Variants in COX11 observed in about 807,000 individuals in gnomAD.
The protein encoded by COX11 is cytochrome c oxidase assembly protein COX11, mitochondrial.
A neutral mutation model predicts 29.4 loss-of-function variants in COX11; 18 were observed. The observed-to-expected ratio is 0.61, with a 90% confidence interval of 0.42 to 0.91. The LOEUF is 0.91. Ranked by LOEUF, COX11 falls within the 40% of genes least tolerant of loss-of-function variation. COX11 has a pLI of 0.00. For synonymous variants in COX11, 131 were observed against 124.0 expected (o/e 1.06, Z -0.38); for missense variants, 312 against 346.0 (o/e 0.90, Z 0.78).
chr17:54,964,102 T>G (rs2077178949), intron 2 of COX11, among the ~76,000 whole-genome samples: 1 of 152,160 alleles, frequency 6.6e-6, no homozygotes, highest in Non-Finnish European at 1.5e-5. Flanking sequence ...CAATATGGGT[T>G]GAAATTAACT....
At chr17:54,963,173 G>C in intron 3 of COX11, 133 bp downstream of exon 3, 1 of 1,014,540 alleles carries the variant, frequency 9.9e-7, no homozygotes, top group Non-Finnish European at 1.4e-6. Flanking sequence ...GGTATAGATA[G>C]TGAAGAAAAA....
chr17:54,953,491 C>A (rs1377124368), exon 1 of COX11: 1 of 152,334 alleles, frequency 6.6e-6, no homozygotes, highest in Non-Finnish European at 1.5e-5. Context: ...CCATCAGTTT[C>A]TTGTCCAGTT....
intron 3 of COX11, 62 bp from the exon 4 acceptor site, chr17:54,962,977 A>T (rs369696146): frequency 4.3e-6 from 6 of 1,408,728 alleles, no homozygotes; most frequent in Non-Finnish European, 5.9e-6. Context: ...CAGAAACTAT[A>T]CAGTTCTTTT....
At position 54,968,458 on chromosome 17, in the gene COX11, G is replaced by A. The variant is rs1313053075; in HGVS notation, c.189C>T (p.Ala63=). The A allele has an allele frequency of 3.1e-6, 5 of 1,613,436 alleles. No homozygotes were observed. The Admixed American group carries it at 8.3e-5, about 27-fold the overall frequency. ...LGTWKRCSLR[A]RHPALQPPRR... is the part of the protein sequence containing the mutation. ...GCGGCGGCTGCAATGCTGGATGCCG[G>A]GCTCGAAGGCTGCAGCGCTTCCATG... Residue 63 remains alanine, a synonymous_variant, in exon 1 of 4, where the codon GCC becomes GCT. Transcript: ENST00000299335.
intron 1 of COX11, among the ~76,000 whole-genome samples, chr17:54,965,121 A>AT (rs1344477552): frequency 6.6e-6 from 1 of 152,236 alleles, no homozygotes; most frequent in African/African-American, 2.4e-5. Context: ...GGTTCACTAG[A>AT]TAAGTCAACT....
chr17:54,965,755 C>G (rs922316130), intron 1 of COX11, among the ~76,000 whole-genome samples: 1 of 150,592 alleles, frequency 6.6e-6, no homozygotes, highest in African/African-American at 2.4e-5. Context: ...TGCTTGAACC[C>G]GGGAGGCGGA....
Position 54,962,518 on chromosome 17 carries a change from G to A in COX11, c.*215C>T, listed in dbSNP as rs2144131095. 1 of 1,245,486 alleles carries A rather than the reference G, an allele frequency of 8.0e-7. No individual in the cohort carries two copies. Among genetic ancestry groups the A allele is most frequent in the Non-Finnish European group, 1.0e-6 (1 of 994,972 alleles). The allele number at this position is 1,245,486 out of a possible 1,614,324, so 77.2% of individuals were successfully genotyped here. ...GTATCAAACTCTTCAGTATGGTATT[G>A]AATAGTCAGTCATATATTCTAGCTA... is the stretch of plus-strand genomic sequence containing the variant. On this transcript the variant is annotated 3_prime_UTR_variant, in exon 4 of 4. Transcript: ENST00000299335.
chr17:54,968,456 C>A lies in COX11; in HGVS notation c.191G>T (p.Arg64Leu). The A allele has an allele frequency of 1.2e-6, 2 of 1,613,446 alleles. No homozygotes were observed. The highest frequency in any genetic ancestry group is 1.7e-5 in the Admixed American group (1 of 60,020). Residue 64 changes from arginine to leucine, a missense_variant, in exon 1 of 4, where the codon CGG (arginine) becomes CTG (leucine). Around this residue, in one of 2 missense-constraint regions of COX11, gnomAD observed 130 missense variants for 106.0 expected, o/e 1.23. Transcript: ENST00000299335. ...GTWKRCSLRA[R>L]HPALQPPRRP... ...CCGCGGCGGCTGCAATGCTGGATGC[C>A]GGGCTCGAAGGCTGCAGCGCTTCCA...
chr17:54,968,146 C>G (rs1238173593), intron 1 of COX11, 135 bp downstream of exon 1: 23 of 1,384,260 alleles, frequency 1.7e-5, no homozygotes, highest in Non-Finnish European at 1.8e-5. Context: ...CTGTTTTGAA[C>G]CTCTCTCCTC....
chr17:54,967,711 C>T lies in COX11; in HGVS notation c.366+570G>A, dbSNP rs1460041668. The stretch of plus-strand genomic sequence containing the variant: ...GGTCCTGGGCGCCACACTCCCAGAA[C>T]CGTTGCAATGTACTTAACAGTTTCC... On this transcript the variant is annotated intron_variant, in intron 1 of 3. Transcript: ENST00000299335. 6.0e-5 allele frequency among the ~76,000 whole-genome samples: 9 copies of T among 150,572 alleles called. No individual in the cohort carries two copies. The Admixed American group carries it at 6.1e-4, about 10-fold the overall frequency.
downstream of COX11, among the ~76,000 whole-genome samples, chr17:54,955,572 G>A (rs2144034709): frequency 6.6e-6 from 1 of 152,280 alleles, no homozygotes; most frequent in East Asian, 1.9e-4. Flanking sequence ...TCAGGCCACA[G>A]ACAAGTAAGA....
intron 1 of COX11, among the ~76,000 whole-genome samples, chr17:54,967,728 A>C (rs1021479879): frequency 2.0e-5 from 3 of 151,760 alleles, no homozygotes; most frequent in African/African-American, 7.3e-5. Flanking sequence ...AATGTACTTA[A>C]CAGTTTCCAG....
upstream of COX11, chr17:54,968,722 G>A: frequency 6.6e-7 from 1 of 1,505,540 alleles, no homozygotes; most frequent in Non-Finnish European, 8.9e-7. Flanking sequence ...CGTCTCGCGA[G>A]ATCTGGGTTG....
At chr17:54,956,059 G>A (rs1284201522), downstream of COX11, among the ~76,000 whole-genome samples, 1 of 152,176 alleles carries the variant, frequency 6.6e-6, no homozygotes, top group Non-Finnish European at 1.5e-5. Context: ...TCAACCCTGG[G>A]TCTCATCTGG....
At chr17:54,955,389 G>A (rs1307428794), upstream of COX11, among the ~76,000 whole-genome samples, 6 of 152,140 alleles carry the variant, frequency 3.9e-5, no homozygotes, top group Admixed American at 1.3e-4. Flanking sequence ...TGTAACCTTT[G>A]TATCACTGCA....
upstream of COX11, chr17:54,968,713 G>A (rs1168559414): frequency 1.5e-5 from 23 of 1,527,878 alleles, no homozygotes; most frequent in African/African-American, 6.9e-5. Flanking sequence ...GGCGTGCTCC[G>A]TCTCGCGAGA....
exon 1 of COX11, chr17:54,954,671 G>A (rs1290854880): frequency 6.6e-6 from 1 of 152,250 alleles, no homozygotes; most frequent in Admixed American, 6.5e-5. Flanking sequence ...CTTGGAGGGG[G>A]TAGTAAAGGG....
At chr17:54,963,215 G>A in intron 3 of COX11, 91 bp downstream of exon 3, 1 of 1,418,266 alleles carries the variant, frequency 7.1e-7, no homozygotes, top group Non-Finnish European at 9.6e-7. Flanking sequence ...TTCGTTTTCA[G>A]AAATCACAAG....
intron 2 of COX11, 41 bp downstream of exon 2, chr17:54,964,656 C>G (rs55801837): frequency 0.28 from 447,874 of 1,573,266 alleles, 65,685 homozygotes; most frequent in African/African-American, 0.35. Flanking sequence ...AAGGAATTTA[C>G]ATTAATAAAG....
Sources: allele counts gnomAD v4.1 joint callset (sites outside exome capture counted in the v4.1 genomes callset), GRCh38; gene constraint gnomAD v4.1.1; regional missense constraint gnomAD v4.1.1; transcripts MANE v1.5; gene names NCBI Gene and HGNC (gene_info 2026-07-23, HGNC 2026-07-21).